The following POC1B variants were observed in gnomAD, a reference collection of about 807,000 sequenced individuals.
POC1B encodes POC1 centriolar protein B, also known as POC1 centriolar protein homolog B.
In POC1B, 44 loss-of-function variants were observed where a neutral mutation model predicts 60.6. The ratio of observed to expected loss-of-function variants is 0.73; its 90% CI spans 0.57 to 0.93. The LOEUF (loss-of-function observed/expected upper bound fraction) is 0.93, where lower values mean the gene tolerates loss of function less well. Among genes scored for constraint, POC1B ranks in the 40% least tolerant of loss-of-function variants. The probability of loss-of-function intolerance (pLI) is 0.00; values close to 1 mark genes in which losing one functional copy is unlikely to be tolerated. For missense variants in POC1B, 555 were observed against 572.3 expected, an observed-to-expected ratio of 0.97 and a Z score of 0.31; for synonymous variants, 180 against 198.9, an observed-to-expected ratio of 0.90 and a Z score of 0.80.
chr12:89,524,127 A>C, intron 2 of POC1B: 1 of 1,614,042 alleles, frequency 6.2e-7, no homozygotes. Context: ...TATAGAAAGC[A>C]ATGATAACAG....
intron 3 of POC1B, among the ~76,000 whole-genome samples, chr12:89,492,709 G>C (rs868202131): frequency 2.0e-5 from 3 of 152,128 alleles, no homozygotes; most frequent in African/African-American, 7.2e-5. Context: ...GCTGGTCAGC[G>C]TGACATCCGC....
In POC1B at chr12:89,429,949, A is replaced by G. The variant is rs116428822; in HGVS notation, c.1114-4570T>C. On this transcript the variant is annotated intron_variant, in intron 10 of 11. Coordinates refer to ENST00000313546, the MANE Select transcript of POC1B (RefSeq NM_172240.3). ...CAAATAAGGACCTCCTATGGTAGGCATTAGAGCTATAGCAAAGAACAAGTC... is the reference window on the plus strand; with the variant it reads ...CAAATAAGGACCTCCTATGGTAGGCGTTAGAGCTATAGCAAAGAACAAGTC... Among the ~76,000 whole-genome samples, 1,395 of 152,336 alleles carry G rather than the reference A, an allele frequency of 9.2e-3. 21 individuals are homozygous for G. Among genetic ancestry groups the G allele is most frequent in the African/African-American group, 0.032 (1,328 of 41,574 alleles).
chr12:89,412,798 GA>G, the POC1B span, among the ~76,000 whole-genome samples: 1 of 142,882 alleles, frequency 7.0e-6, no homozygotes, highest in African/African-American at 2.8e-5. Flanking sequence ...CAGAGGGAGA[GA>G]AACACATGTT....
At chr12:89,519,403 C>T (rs1164934964) in intron 2 of POC1B, 1 of 152,072 alleles carries the variant, frequency 6.6e-6, no homozygotes, top group Non-Finnish European at 1.5e-5. Flanking sequence ...CTAAAATAAT[C>T]ACAATCTATT....
At chr12:89,439,570 C>A (rs1384786166) in intron 10 of POC1B, among the ~76,000 whole-genome samples, 3 of 152,058 alleles carry the variant, frequency 2.0e-5, no homozygotes, top group Non-Finnish European at 4.4e-5. Context: ...GTCCATGAAT[C>A]ATATTTTGAG....
chr12:89,525,918 C>T lies in POC1B; in HGVS notation c.-23G>A, dbSNP rs991029298. ...CATCGGGGGAGTGGTCGGCCCAAGGCTCCTGTGGGTGGGGGAACCCGGAGA... is the reference window on the plus strand; with the variant it reads ...CATCGGGGGAGTGGTCGGCCCAAGGTTCCTGTGGGTGGGGGAACCCGGAGA... On this transcript the variant is annotated 5_prime_UTR_variant, in exon 1 of 12. Transcript: ENST00000313546. 2 of 1,519,156 alleles carry T rather than the reference C, an allele frequency of 1.3e-6. No homozygotes were observed. The highest frequency in any genetic ancestry group is 1.3e-5 in the South Asian group (1 of 79,416). The allele number at this position is 1,519,156 out of a possible 1,614,324, so 94.1% of individuals were successfully genotyped here.
At chr12:89,452,246 G>A (rs931942934) in intron 10 of POC1B, among the ~76,000 whole-genome samples, 11 of 152,048 alleles carry the variant, frequency 7.2e-5, no homozygotes, top group African/African-American at 1.4e-4. Flanking sequence ...AGTCCGGGGC[G>A]TCACAGTTTA....
chr12:89,522,823 A>C, intron 2 of POC1B: 1 of 1,580,908 alleles, frequency 6.3e-7, no homozygotes, highest in Non-Finnish European at 8.6e-7. Flanking sequence ...CTATTTCTCA[A>C]AACTCCAAAT....
chr12:89,452,761 A>C (rs1882104609), intron 10 of POC1B, among the ~76,000 whole-genome samples: 1 of 152,132 alleles, frequency 6.6e-6, no homozygotes, highest in African/African-American at 2.4e-5. Context: ...CTGTTAGTAA[A>C]CTTTACAGCT....
At position 89,472,263 on chromosome 12, in the gene POC1B, A is replaced by G; in HGVS notation, c.465T>C (p.Asp155=). The change falls in exon 5 of 12, where the codon GAT becomes GAC. Residue 155 remains aspartate (D), a synonymous_variant. Coordinates refer to ENST00000313546, the MANE Select transcript of POC1B (RefSeq NM_172240.3). The part of the protein sequence containing the change: ...HWVRCAKFSP[D]GRLIVSCSED... Reference sequence around the variant, plus strand: ...CACTACATGACACAATTAGTCTTCCATCGGGTGAAAATCTAGAAAGAAGAA... The same window carrying G: ...CACTACATGACACAATTAGTCTTCCGTCGGGTGAAAATCTAGAAAGAAGAA... 1.3e-6 allele frequency: 2 copies of G among 1,577,614 alleles called. No individual in the cohort carries two copies. The highest frequency in any genetic ancestry group is 1.7e-6 in the Non-Finnish European group (2 of 1,163,584).
intron 2 of POC1B, chr12:89,522,754 T>A: frequency 6.6e-7 from 1 of 1,517,616 alleles, no homozygotes; most frequent in Non-Finnish European, 8.8e-7. Flanking sequence ...CTGAGGCTCT[T>A]AAGGCTCTTT....
At chr12:89,493,013 A>G (rs2135739034) in intron 3 of POC1B, among the ~76,000 whole-genome samples, 1 of 152,290 alleles carries the variant, frequency 6.6e-6, no homozygotes, top group Non-Finnish European at 1.5e-5. Flanking sequence ...ATCCCAGCGT[A>G]AATGTGTCAC....
chr12:89,508,342 A>G (rs1870003027), intron 2 of POC1B, among the ~76,000 whole-genome samples: 2 of 152,090 alleles, frequency 1.3e-5, no homozygotes, highest in Admixed American at 1.3e-4. Flanking sequence ...ATTACAGAAG[A>G]GTTCTTAGGT....
intron 11 of POC1B, among the ~76,000 whole-genome samples, chr12:89,423,287 G>A (rs992867179): frequency 3.9e-5 from 6 of 152,094 alleles, no homozygotes; most frequent in African/African-American, 9.7e-5. Flanking sequence ...GCAACATAGC[G>A]AGACACTGTC....
At chr12:89,437,093 C>T (rs10858851) in intron 10 of POC1B, among the ~76,000 whole-genome samples, 28,196 of 152,140 alleles carry the variant, frequency 0.19, 3,019 homozygotes, top group South Asian at 0.35. Context: ...CCAGTCTCCT[C>T]TCTTCATCCC....
the POC1B span, among the ~76,000 whole-genome samples, chr12:89,414,013 T>C: frequency 6.6e-6 from 1 of 152,212 alleles, no homozygotes; most frequent in Non-Finnish European, 1.5e-5. Flanking sequence ...TGCCTGAGCC[T>C]CCCAGGTAGC....
intron 10 of POC1B, among the ~76,000 whole-genome samples, chr12:89,443,634 G>A (rs1470082217): frequency 1.3e-5 from 2 of 151,510 alleles, no homozygotes; most frequent in Admixed American, 6.6e-5. Context: ...AGCACTAAAT[G>A]CCCACAAGAG....
In POC1B at chr12:89,498,218, A is replaced by G. The variant is rs185084660; in HGVS notation, c.101-876T>C. Among the ~76,000 whole-genome samples the G allele has an allele frequency of 2.6e-5, 4 of 152,342 alleles. No individual in the cohort carries two copies. The East Asian group carries it at 7.7e-4, about 29-fold the overall frequency. On this transcript the variant is annotated intron_variant, in intron 2 of 11. Coordinates refer to ENST00000313546, the MANE Select transcript of POC1B (RefSeq NM_172240.3). ...ATAATTTAATGGCATTTGATGATTAATAAAAGAATTAAAAGAATCGTGTGT... is the reference window on the plus strand; with the variant it reads ...ATAATTTAATGGCATTTGATGATTAGTAAAAGAATTAAAAGAATCGTGTGT...
chr12:89,414,108 G>T, the POC1B span, among the ~76,000 whole-genome samples: 1 of 152,060 alleles, frequency 6.6e-6, no homozygotes, highest in East Asian at 1.9e-4. Flanking sequence ...GGCCATGCTG[G>T]TCTTGAACTC....
Sources: allele counts gnomAD v4.1 joint callset (sites outside exome capture counted in the v4.1 genomes callset), GRCh38; gene constraint gnomAD v4.1.1; transcripts MANE v1.5; gene names NCBI Gene and HGNC (gene_info 2026-07-23, HGNC 2026-07-21).